DBX2: variants seen among roughly 807,000 people sequenced by gnomAD.
DBX2 encodes developing brain homeobox 2, also known as homeobox protein DBX2.
DBX2 carries 16 observed loss-of-function variants against 17.7 expected under a neutral mutation model. The observed-to-expected ratio is 0.90, with a 90% confidence interval of 0.61 to 1.37. The LOEUF is 1.37. Among genes scored for constraint, DBX2 ranks in the 40% most tolerant of loss-of-function variants. The pLI is 0.00. For synonymous variants in DBX2, 255 were observed against 183.8 expected (o/e 1.39, Z -3.13); for missense variants, 538 against 433.8 (o/e 1.24, Z -2.13).
chr12:45,036,782 T>G (rs1255608775), intron 1 of DBX2, among the ~76,000 whole-genome samples: 1 of 152,170 alleles, frequency 6.6e-6, no homozygotes, highest in Non-Finnish European at 1.5e-5. Flanking sequence ...TAACAAAAAG[T>G]GGTGTTTCTG....
chr12:45,028,666 C>T (rs1445361381), intron 2 of DBX2, among the ~76,000 whole-genome samples: 1 of 152,098 alleles, frequency 6.6e-6, no homozygotes, highest in African/African-American at 2.4e-5. Flanking sequence ...CATCGTGAAC[C>T]CAAACTAGCC....
intron 1 of DBX2, among the ~76,000 whole-genome samples, chr12:45,038,301 A>T (rs1466799982): frequency 6.8e-6 from 1 of 147,232 alleles, no homozygotes. Context: ...TTTTGTTGTT[A>T]TTGTTGTTGT....
chr12:45,042,649 C>A (rs1334328337), intron 1 of DBX2, among the ~76,000 whole-genome samples: 1 of 152,176 alleles, frequency 6.6e-6, no homozygotes, highest in African/African-American at 2.4e-5. Context: ...TTAGGTTTTC[C>A]TCAATAGCTT....
chr12:45,016,091 T>C lies in DBX2; in HGVS notation c.*195A>G. On this transcript the variant is annotated 3_prime_UTR_variant, in exon 4 of 4. Transcript: ENST00000332700. ...TTCTGTCATACTTGCTGGGAGATTC[T>C]ATTCCACTTACAAATTAAGCCTGAG... The C allele has an allele frequency of 4.0e-6, 2 of 499,900 alleles. No homozygotes were observed. The highest frequency in any genetic ancestry group is 6.7e-6 in the Non-Finnish European group (2 of 299,448). The allele number at this position is 499,900 out of a possible 1,614,324, so 31.0% of individuals were successfully genotyped here.
intron 3 of DBX2, among the ~76,000 whole-genome samples, chr12:45,023,202 A>C (rs537327474): frequency 2.8e-4 from 43 of 152,330 alleles, no homozygotes; most frequent in South Asian, 6.2e-4. Flanking sequence ...GCTTAATTGG[A>C]CTTGACATAA....
In DBX2 at chr12:45,015,672, T is replaced by C. The variant is rs1018260076; in HGVS notation, c.*614A>G. ...ACAGAAATTCTTCTAATTTGCTTGT[T>C]AGGTTCATTTTAAATATATATTCTC... On this transcript the variant is annotated 3_prime_UTR_variant, in exon 4 of 4. Transcript: ENST00000332700. 2.0e-5 allele frequency: 3 copies of C among 152,210 alleles called. No homozygotes were observed. Among genetic ancestry groups the C allele is most frequent in the African/African-American group, 7.2e-5 (3 of 41,474 alleles). 9.4% of individuals were successfully genotyped at this position (152,210 alleles called of 1,614,324 possible). A position where few individuals can be genotyped will look rare whatever the true frequency, so the allele number is the denominator to read the frequency against.
Position 45,036,134 on chromosome 12 carries a change from C to T in DBX2, c.404-20G>A. On this transcript the variant is annotated intron_variant, in intron 1 of 3. Coordinates refer to ENST00000332700, the MANE Select transcript of DBX2 (RefSeq NM_001004329.3). ...AAGGTGCTGCAGAGAAAGCATTGAT[C>T]TCATTGATTAGCCATTTCTTTAAGA... 1 of 1,583,688 alleles carries T rather than the reference C, an allele frequency of 6.3e-7. No individual in the cohort carries two copies. The highest frequency in any genetic ancestry group is 1.2e-5 in the South Asian group (1 of 85,844).
intron 1 of DBX2, among the ~76,000 whole-genome samples, chr12:45,039,304 TA>T (rs2137029085): frequency 8.8e-6 from 1 of 113,190 alleles, no homozygotes; most frequent in Non-Finnish European, 1.6e-5. Context: ...TATATATATA[TA>T]TATATATATA....
At chr12:45,036,207 G>T in intron 1 of DBX2, 93 bp from the exon 2 acceptor site, 1 of 1,112,184 alleles carries the variant, frequency 9.0e-7, no homozygotes, top group Non-Finnish European at 1.2e-6. Context: ...TAAATACTTT[G>T]CTTAGTTTTT....
intron 1 of DBX2, among the ~76,000 whole-genome samples, chr12:45,039,984 C>T (rs1946462820): frequency 6.6e-6 from 1 of 152,132 alleles, no homozygotes; most frequent in Non-Finnish European, 1.5e-5. Flanking sequence ...CTCCAAATTT[C>T]ATATCCTACT....
chr12:45,049,159 T>C (rs1266590340), intron 1 of DBX2, among the ~76,000 whole-genome samples: 1 of 152,212 alleles, frequency 6.6e-6, no homozygotes, highest in Non-Finnish European at 1.5e-5. Flanking sequence ...CAATTATGAT[T>C]AGAAAAAGCT....
chr12:45,029,410 A>G (rs1946397294), intron 2 of DBX2, among the ~76,000 whole-genome samples: 2 of 152,244 alleles, frequency 1.3e-5, no homozygotes, highest in South Asian at 4.1e-4. Flanking sequence ...TTACAGGAAA[A>G]AACTAGGCTC....
intron 2 of DBX2, among the ~76,000 whole-genome samples, chr12:45,035,790 G>A (rs921895522): frequency 2.6e-5 from 4 of 151,928 alleles, no homozygotes; most frequent in Admixed American, 6.6e-5. Context: ...AGTTGCTTTC[G>A]GTGATGTGTC....
intron 3 of DBX2, among the ~76,000 whole-genome samples, chr12:45,022,298 GT>G (rs745546411): frequency 1.2e-3 from 96 of 82,502 alleles, no homozygotes; most frequent in Middle Eastern, 0.011. Flanking sequence ...AATAATAACT[GT>G]TTTTTTTTTT....
chr12:45,028,226 A>G (rs1429700527), intron 2 of DBX2, among the ~76,000 whole-genome samples: 1 of 152,220 alleles, frequency 6.6e-6, no homozygotes, highest in Non-Finnish European at 1.5e-5. Flanking sequence ...GGAAACACAG[A>G]TTAGGGCCAA....
At chr12:45,039,363 A>G (rs1352083703) in intron 1 of DBX2, among the ~76,000 whole-genome samples, 1 of 144,966 alleles carries the variant, frequency 6.9e-6, no homozygotes, top group Non-Finnish European at 1.5e-5. Flanking sequence ...TACTTTTTTT[A>G]AGTAATGACC....
chr12:45,049,839 C>T (rs1946519516), intron 1 of DBX2, among the ~76,000 whole-genome samples: 1 of 152,172 alleles, frequency 6.6e-6, no homozygotes, highest in South Asian at 2.1e-4. Context: ...AAAATAAACC[C>T]AAACTGCCCT....
chr12:45,025,083 G>C (rs922877764), intron 2 of DBX2, among the ~76,000 whole-genome samples: 1 of 152,198 alleles, frequency 6.6e-6, no homozygotes, highest in Admixed American at 6.5e-5. Flanking sequence ...CCCAGAACCT[G>C]TGAATATGTT....
chr12:45,050,529 C>G lies in DBX2; in HGVS notation c.399G>C (p.Ala133=), dbSNP rs994950313. Residue 133 remains alanine (A), a synonymous_variant, in exon 1 of 4, where the codon GCG becomes GCC. Transcript: ENST00000332700. ...GGGAGGGGAGAGCTGGCTCACCTGG[C>G]GCTGAAGGCTGGAAGGTACAGTCTC... is the stretch of plus-strand genomic sequence containing the variant. ...GDRDCTFQPS[A]PAPSKPFLLS... is the part of the protein sequence containing the mutation. 1.3e-6 allele frequency: 2 copies of G among 1,549,832 alleles called. No individual in the cohort carries two copies. The highest frequency in any genetic ancestry group is 1.2e-5 in the South Asian group (1 of 84,110).
Sources: gnomAD v4.1 joint callset for allele counts (sites outside exome capture counted in the v4.1 genomes callset) on GRCh38, gnomAD v4.1.1 for gene constraint, MANE v1.5 for transcripts, NCBI Gene and HGNC (gene_info 2026-07-23, HGNC 2026-07-21) for gene names.